CROCC: variants seen among roughly 807,000 people sequenced by gnomAD.
CROCC encodes the protein rootletin.
CROCC carries 180 observed loss-of-function variants against 245.2 expected under a neutral mutation model. The ratio of observed to expected loss-of-function variants is 0.73; its 90% CI spans 0.65 to 0.83. CROCC has a LOEUF of 0.83. CROCC is among the 40% of genes least tolerant of loss of function. The pLI is 0.00. For synonymous variants in CROCC, 1,205 were observed against 1,241.6 expected, an observed-to-expected ratio of 0.97 and a Z score of 0.62; for missense variants, 2,688 against 2,779.4, an observed-to-expected ratio of 0.97 and a Z score of 0.74.
In CROCC at chr1:16,922,764, T is replaced by G. The variant is rs1262349163; in HGVS notation, c.162T>G (p.Ile54Met). The change falls in exon 2 of 37, where the codon ATT (isoleucine) becomes ATG (methionine). Residue 54 changes from isoleucine (I) to methionine (M), a missense_variant. Around this residue, in one of 9 missense-constraint regions of CROCC, gnomAD observed 972 missense variants for 895.3 expected, o/e 1.09. Transcript: ENST00000375541. The stretch of plus-strand genomic sequence containing the variant: ...GCCTGCCTGCCCTTATCAGGGAGAT[T>G]GTCACCCGCAACCTCTCCCAGCCTG... ...ITSLPALIRE[I>M]VTRNLSQPES... 1 of 1,613,662 alleles carries G rather than the reference T, an allele frequency of 6.2e-7. No individual in the cohort carries two copies. Among genetic ancestry groups the G allele is most frequent in the Non-Finnish European group, 8.5e-7 (1 of 1,179,974 alleles).
chr1:16,925,213 T>A (rs1400056748), intron 3 of CROCC, among the ~76,000 whole-genome samples: 1 of 152,258 alleles, frequency 6.6e-6, no homozygotes, highest in African/African-American at 2.4e-5. Context: ...ACAGAGTGTA[T>A]GTGTGCAGAT....
At chr1:16,947,330 G>A (rs1413913266) in intron 17 of CROCC, among the ~76,000 whole-genome samples, 3 of 152,238 alleles carry the variant, frequency 2.0e-5, no homozygotes, top group Non-Finnish European at 4.4e-5. Flanking sequence ...TTAGCTGGGC[G>A]TGGTGGCACG....
intron 19 of CROCC, among the ~76,000 whole-genome samples, chr1:16,950,220 T>G (rs189757191): frequency 1.4e-5 from 2 of 147,254 alleles, no homozygotes; most frequent in African/African-American, 5.1e-5. Context: ...CCCGCCACCA[T>G]GCCTGGCTAA....
intron 8 of CROCC, 126 bp from the exon 9 acceptor site, chr1:16,936,511 T>C: frequency 1.0e-6 from 1 of 963,494 alleles, no homozygotes; most frequent in Non-Finnish European, 1.5e-6. Context: ...TCACGTGATC[T>C]GCCCGCCTTG....
In CROCC at chr1:16,930,223, G is replaced by A. The variant is rs574287994; in HGVS notation, c.621+16G>A. 1 of 1,586,096 alleles carries A rather than the reference G, an allele frequency of 6.3e-7. No individual in the cohort carries two copies. Among genetic ancestry groups the A allele is most frequent in the East Asian group, 2.3e-5 (1 of 43,566 alleles). On this transcript the variant is annotated intron_variant, in intron 5 of 36. Transcript: ENST00000375541. The stretch of plus-strand genomic sequence containing the variant: ...GCGGCTGAGGGTGGGTGCCAGTGTG[G>A]GGCAGGGGCAGGCCCTGCCCTCCAC...
chr1:16,951,133 C>T lies in CROCC; in HGVS notation c.3006+11C>T. The T allele has an allele frequency of 2.0e-6, 3 of 1,500,446 alleles. No homozygotes were observed. Among genetic ancestry groups the T allele is most frequent in the Non-Finnish European group, 2.7e-6 (3 of 1,121,972 alleles). The allele number at this position is 1,500,446 out of a possible 1,614,324, so 92.9% of individuals were successfully genotyped here. A position where few individuals can be genotyped will look rare whatever the true frequency, so the allele number is the denominator to read the frequency against. ...CTCCAGCGTGAAAAGGTTCAGGCAG[C>T]TGGGGAGGGGTGGGCAGGACTCTGA... On this transcript the variant is annotated intron_variant, in intron 20 of 36. Coordinates refer to ENST00000375541, the MANE Select transcript of CROCC (RefSeq NM_014675.5).
Position 16,946,825 on chromosome 1 carries a change from C to T in CROCC, c.2348C>T (p.Ala783Val), listed in dbSNP as rs367650777. The part of the protein sequence containing the change: ...QRQAEQEATV[A>V]REEQERLEEL... ...CAGGCAGAGCAGGAGGCCACAGTGG[C>T]GCGGGAAGAGCAGGAACGGCTAGAG... The change falls in exon 17 of 37, where the codon GCG becomes GTG. Residue 783 changes from alanine to valine, a missense_variant. By Grantham distance (64) the Ala-to-Val change is moderately conservative. Coordinates refer to ENST00000375541, the MANE Select transcript of CROCC (RefSeq NM_014675.5). 99 of 1,553,112 alleles carry T rather than the reference C, an allele frequency of 6.4e-5. No individual in the cohort carries two copies. Among genetic ancestry groups the T allele is most frequent in the Admixed American group, 1.6e-4 (8 of 51,072 alleles).
intron 14 of CROCC, among the ~76,000 whole-genome samples, chr1:16,945,012 C>T (rs1398856272): frequency 2.0e-4 from 30 of 152,288 alleles, no homozygotes; most frequent in African/African-American, 6.0e-4. Context: ...GCAGGCAGAT[C>T]GCCTGAGGTC....
At chr1:16,969,073 C>CAGATGG (rs770703205) in intron 31 of CROCC, 43 bp from the exon 32 acceptor site, 113 of 1,552,610 alleles carry the variant, frequency 7.3e-5, no homozygotes, top group Non-Finnish European at 9.4e-5. Context: ...GTATAGAGGC[C>CAGATGG]AGATGGGAAC....
rs145111953 is a variant in CROCC at position 16,967,394 on chromosome 1, C to T, written c.4861-809C>T. Among the ~76,000 whole-genome samples, 271 of 152,314 alleles carry T rather than the reference C, an allele frequency of 1.8e-3. 1 individual carries two copies. Among genetic ancestry groups the T allele is most frequent in the South Asian group, 0.011 (51 of 4,826 alleles). ...TCTATTACTGCTTCCCCCCACCACC[C>T]CCGCCCCCAAGGCCTCTGGCCTGGG... On this transcript the variant is annotated intron_variant, in intron 30 of 36. Coordinates refer to ENST00000375541, the MANE Select transcript of CROCC (RefSeq NM_014675.5).
At chr1:16,965,965 GGTCT>G in intron 28 of CROCC, 30 bp from the exon 29 acceptor site, 2 of 1,606,486 alleles carry the variant, frequency 1.2e-6, no homozygotes, top group Non-Finnish European at 1.7e-6. Flanking sequence ...TCAGAGCAGG[GGTCT>G]GTCTTTGTTC....
At chr1:16,965,028 C>G (rs2076395945) in intron 27 of CROCC, among the ~76,000 whole-genome samples, 1 of 152,080 alleles carries the variant, frequency 6.6e-6, no homozygotes, top group South Asian at 2.1e-4. Context: ...GTTGGCCAGG[C>G]TTGCCTTGAA....
intron 3 of CROCC, among the ~76,000 whole-genome samples, chr1:16,925,840 C>A (rs1264756140): frequency 6.6e-6 from 1 of 152,228 alleles, no homozygotes; most frequent in African/African-American, 2.4e-5. Context: ...AGCTCGTTTC[C>A]CCAGGGTCTG....
intron 27 of CROCC, among the ~76,000 whole-genome samples, chr1:16,965,315 C>T (rs957090342): frequency 6.6e-6 from 1 of 152,202 alleles, no homozygotes; most frequent in Non-Finnish European, 1.5e-5. Context: ...AGACGAGGCC[C>T]AGCCCTCATG....
Position 16,960,843 on chromosome 1 carries a change from C to T in CROCC, c.4118C>T (p.Ala1373Val). The change falls in exon 27 of 37, where the codon GCG becomes GTG. Residue 1373 changes from alanine (A) to valine (V), a missense_variant. Ala to Val is a moderately conservative substitution (Grantham distance 64). Coordinates refer to ENST00000375541, the MANE Select transcript of CROCC (RefSeq NM_014675.5). Reference sequence around the variant, plus strand: ...CGCCTGCTGGGCTCCCTGGAGGAGGCGCGTGGCACTGAAAAGCAGCAGCTG... The same window carrying T: ...CGCCTGCTGGGCTCCCTGGAGGAGGTGCGTGGCACTGAAAAGCAGCAGCTG... The part of the protein sequence containing the change: ...ERRLLGSLEE[A>V]RGTEKQQLDH... 2 of 1,516,898 alleles carry T rather than the reference C, an allele frequency of 1.3e-6. No individual in the cohort carries two copies. The highest frequency in any genetic ancestry group is 8.8e-7 in the Non-Finnish European group (1 of 1,138,734). 94.0% of individuals were successfully genotyped at this position (1,516,898 alleles called of 1,614,324 possible). A position where few individuals can be genotyped will look rare whatever the true frequency, so the allele number is the denominator to read the frequency against.
intron 35 of CROCC, among the ~76,000 whole-genome samples, 175 bp from the exon 36 acceptor site, chr1:16,971,290 C>T (rs2076514556): frequency 6.6e-6 from 1 of 151,662 alleles, no homozygotes; most frequent in African/African-American, 2.4e-5. Flanking sequence ...TGGGTGCACT[C>T]ATCCTGGGCT....
chr1:16,952,534 TA>T (rs1426451269), intron 20 of CROCC, among the ~76,000 whole-genome samples: 1 of 150,656 alleles, frequency 6.6e-6, no homozygotes, highest in Non-Finnish European at 1.5e-5. Context: ...ACAGAGTTGC[TA>T]GGGGCAAGTG....
chr1:16,926,356 G>A (rs992929950), intron 3 of CROCC, among the ~76,000 whole-genome samples: 6 of 152,254 alleles, frequency 3.9e-5, no homozygotes, highest in African/African-American at 1.4e-4. Flanking sequence ...GGTCAGTGGT[G>A]GTCCTGGGAT....
At position 16,970,328 on chromosome 1, in the gene CROCC, C is replaced by G; in HGVS notation, c.5527C>G (p.Leu1843Val). Residue 1843 changes from leucine (L) to valine (V), a missense_variant, in exon 34 of 37, where the codon CTG becomes GTG. This residue lies in a region of CROCC where 1,218 missense variants were observed against 1,286.3 expected (regional missense o/e 0.95). Transcript: ENST00000375541. ...VQKLQDERRL[L>V]QERLGSLQRA... Reference sequence around the variant, plus strand: ...GAAGCTGCAAGACGAGCGGCGGCTGCTGCAGGAGCGCCTGGGAAGCCTGCA... The same window carrying G: ...GAAGCTGCAAGACGAGCGGCGGCTGGTGCAGGAGCGCCTGGGAAGCCTGCA... 1 of 1,586,952 alleles carries G rather than the reference C, an allele frequency of 6.3e-7. No individual in the cohort carries two copies. Among genetic ancestry groups the G allele is most frequent in the Non-Finnish European group, 8.6e-7 (1 of 1,167,928 alleles).
Sources: gnomAD v4.1 joint callset for allele counts (sites outside exome capture counted in the v4.1 genomes callset) on GRCh38, gnomAD v4.1.1 for gene constraint, gnomAD v4.1.1 regional missense constraint, MANE v1.5 for transcripts, NCBI Gene and HGNC (gene_info 2026-07-23, HGNC 2026-07-21) for gene names.